Variants in GNRHR observed in about 807,000 individuals in gnomAD.
GNRHR encodes the protein gonadotropin releasing hormone receptor, also known as gonadotropin-releasing hormone receptor.
GNRHR carries 14 observed loss-of-function variants against 28.1 expected under a neutral mutation model. The ratio of observed to expected loss-of-function variants is 0.50; its 90% CI spans 0.33 to 0.78. The LOEUF (loss-of-function observed/expected upper bound fraction) is 0.78, where lower values mean the gene tolerates loss of function less well. Among genes scored for constraint, GNRHR ranks in the 30% least tolerant of loss-of-function variants. The pLI is 0.02. For synonymous variants in GNRHR, 141 were observed against 140.5 expected (o/e 1.00, Z -0.02); for missense variants, 366 against 382.1 (o/e 0.96, Z 0.35).
chr4:67,740,320 T>C lies in GNRHR; in HGVS notation c.*160A>G. ...TTTCCTGAAGACTTTTCCTTAATAATTGAGGCTCTGAAGACTGAGTTTCTA... is the reference window on the plus strand; with the variant it reads ...TTTCCTGAAGACTTTTCCTTAATAACTGAGGCTCTGAAGACTGAGTTTCTA... On this transcript the variant is annotated 3_prime_UTR_variant, in exon 3 of 3. Transcript: ENST00000226413. The C allele has an allele frequency of 4.8e-6, 3 of 627,466 alleles. No individual in the cohort carries two copies. In the South Asian group the frequency reaches 5.8e-5, roughly 12 times the overall value. The allele number at this position is 627,466 out of a possible 1,614,324, so 38.9% of individuals were successfully genotyped here. A position where few individuals can be genotyped will look rare whatever the true frequency, so the allele number is the denominator to read the frequency against.
In GNRHR at chr4:67,740,613, A is replaced by G; in HGVS notation, c.854T>C (p.Val285Ala). 1 of 1,613,044 alleles carries G rather than the reference A, an allele frequency of 6.2e-7. No homozygotes were observed. Among genetic ancestry groups the G allele is most frequent in the Non-Finnish European group, 8.5e-7 (1 of 1,179,036 alleles). ...ATCAAACCAATACCAAATTCCTAGGACATAGTAGGGAGTCCAGCAGACAGT... is the reference window on the plus strand; with the variant it reads ...ATCAAACCAATACCAAATTCCTAGGGCATAGTAGGGAGTCCAGCAGACAGT... ...SFTVCWTPYY[V>A]LGIWYWFDPE... The change falls in exon 3 of 3, where the codon GTC becomes GCC. Residue 285 changes from valine to alanine, a missense_variant. Coordinates refer to ENST00000226413, the MANE Select transcript of GNRHR (RefSeq NM_000406.3).
Position 67,737,338 on chromosome 4 carries a change from A to G in GNRHR, c.*3142T>C, listed in dbSNP as rs138337955. ...ATTGTTTTAAACTTGATTCCTAATA[A>G]TCATAAAAATGATAAGCAAGATTAT... On this transcript the variant is annotated 3_prime_UTR_variant, in exon 3 of 3. Coordinates refer to ENST00000226413, the MANE Select transcript of GNRHR (RefSeq NM_000406.3). 9.1e-4 allele frequency among the ~76,000 whole-genome samples: 138 copies of G among 152,158 alleles called. No homozygotes were observed. Among genetic ancestry groups the G allele is most frequent in the African/African-American group, 3.2e-3 (133 of 41,560 alleles).
rs1391595105 is a variant in GNRHR at position 67,737,891 on chromosome 4, A to G, written c.*2589T>C. ...AGGAGTCCTCACCTTTTATTATAAT[A>G]GGACATAAAATAAATGATTGTAATA... On this transcript the variant is annotated 3_prime_UTR_variant, in exon 3 of 3. Transcript: ENST00000226413. 2.0e-5 allele frequency among the ~76,000 whole-genome samples: 3 copies of G among 152,058 alleles called. No individual in the cohort carries two copies. The South Asian group carries it at 6.2e-4, about 31-fold the overall frequency.
Position 67,738,532 on chromosome 4 carries a change from G to A in GNRHR, c.*1948C>T, listed in dbSNP as rs886059558. 5.3e-5 allele frequency among the ~76,000 whole-genome samples: 8 copies of A among 151,596 alleles called. No homozygotes were observed. The highest frequency in any genetic ancestry group is 8.8e-5 in the Non-Finnish European group (6 of 67,800). On this transcript the variant is annotated 3_prime_UTR_variant, in exon 3 of 3. Coordinates refer to ENST00000226413, the MANE Select transcript of GNRHR (RefSeq NM_000406.3). Reference sequence around the variant, plus strand: ...AGAAGAACCAAGCTGAGATACATTCGTTAACACGTGTGTGATAAAGCCCTT... The same window carrying A: ...AGAAGAACCAAGCTGAGATACATTCATTAACACGTGTGTGATAAAGCCCTT...
At position 67,754,171 on chromosome 4, in the gene GNRHR, A is replaced by G; in HGVS notation, c.165T>C (p.Ser55=). ...LFLLSATFNA[S]FLLKLQKWTQ... ...TCCACTTCTGAAGTTTCAACAAGAAAGAAGCATTAAAGGTCGCAGAGAGCA... is the reference window on the plus strand; with the variant it reads ...TCCACTTCTGAAGTTTCAACAAGAAGGAAGCATTAAAGGTCGCAGAGAGCA... Residue 55 remains serine (S), a synonymous_variant, in exon 1 of 3, where the codon TCT becomes TCC. Transcript: ENST00000226413. 2 of 1,614,130 alleles carry G rather than the reference A, an allele frequency of 1.2e-6. No homozygotes were observed. The highest frequency in any genetic ancestry group is 1.7e-6 in the Non-Finnish European group (2 of 1,179,942).
rs992238642 is a variant in GNRHR at position 67,752,839 on chromosome 4, T to TA, written c.522+974dup. On this transcript the variant is annotated intron_variant, in intron 1 of 2. Transcript: ENST00000226413. ...TGTTGTTTTTTAACCATCTGGTCAG[T>TA]AAAAAAAAGTCTAGATAAATTTCCA... Among the ~76,000 whole-genome samples the TA allele has an allele frequency of 6.9e-4, 104 of 151,666 alleles. 1 individual carries two copies. Among genetic ancestry groups the TA allele is most frequent in the African/African-American group, 2.4e-3 (99 of 41,414 alleles).
chr4:67,751,212 A>G (rs777708483), intron 1 of GNRHR, among the ~76,000 whole-genome samples: 6 of 152,240 alleles, frequency 3.9e-5, no homozygotes, highest in Non-Finnish European at 5.9e-5. Flanking sequence ...AGACAGAGAC[A>G]CAAACAAGGT....
Position 67,738,300 on chromosome 4 carries a change from C to T in GNRHR, c.*2180G>A, listed in dbSNP as rs1169347022. Among the ~76,000 whole-genome samples the T allele has an allele frequency of 3.3e-5, 5 of 151,334 alleles. No homozygotes were observed. The highest frequency in any genetic ancestry group is 5.9e-5 in the Non-Finnish European group (4 of 67,678). On this transcript the variant is annotated 3_prime_UTR_variant, in exon 3 of 3. Coordinates refer to ENST00000226413, the MANE Select transcript of GNRHR (RefSeq NM_000406.3). ...TATGAGCTGCTGTGGCAGTCTGGTCCATCCCTCTCAGGACTGTGTTTTTAA... is the reference window on the plus strand; with the variant it reads ...TATGAGCTGCTGTGGCAGTCTGGTCTATCCCTCTCAGGACTGTGTTTTTAA...
In GNRHR at chr4:67,739,031, A is replaced by G. The variant is rs1731605270; in HGVS notation, c.*1449T>C. On this transcript the variant is annotated 3_prime_UTR_variant, in exon 3 of 3. Coordinates refer to ENST00000226413, the MANE Select transcript of GNRHR (RefSeq NM_000406.3). ...CACACACCTGGAGTATTTAGAAATT[A>G]CATTTCATCTTTTTTTGTGGCAGTA... is the stretch of plus-strand genomic sequence containing the variant. Among the ~76,000 whole-genome samples, 1 of 152,066 alleles carries G rather than the reference A, an allele frequency of 6.6e-6. No individual in the cohort carries two copies. Among genetic ancestry groups the G allele is most frequent in the African/African-American group, 2.4e-5 (1 of 41,446 alleles).
At chr4:67,752,056 G>C (rs1414703077) in intron 1 of GNRHR, among the ~76,000 whole-genome samples, 1 of 152,054 alleles carries the variant, frequency 6.6e-6, no homozygotes, top group Non-Finnish European at 1.5e-5. Flanking sequence ...GTCAGGTTTT[G>C]TATTTTATTT....
chr4:67,745,445 CA>C (rs1389755511), intron 1 of GNRHR, among the ~76,000 whole-genome samples: 1 of 151,864 alleles, frequency 6.6e-6, no homozygotes, highest in Non-Finnish European at 1.5e-5. Flanking sequence ...ATAAAAATTA[CA>C]AGATAACAAA....
chr4:67,738,623 G>C lies in GNRHR; in HGVS notation c.*1857C>G, dbSNP rs978340988. ...CCAGAAGTAAGAATTATCAGTTTAG[G>C]AATAAGTATATGATAGAGACTTAGA... On this transcript the variant is annotated 3_prime_UTR_variant, in exon 3 of 3. Transcript: ENST00000226413. 6.6e-6 allele frequency among the ~76,000 whole-genome samples: 1 copy of C among 151,954 alleles called. No individual in the cohort carries two copies. The highest frequency in any genetic ancestry group is 1.5e-5 in the Non-Finnish European group (1 of 67,888).
rs917399053 is a variant in GNRHR at position 67,752,355 on chromosome 4, G to A, written c.522+1459C>T. On this transcript the variant is annotated intron_variant, in intron 1 of 2. Transcript: ENST00000226413. ...GCCTCCCAAGTAGCTGGGACCACAG[G>A]TGCGGGTCATCATGACCAGCATTTA... 2.0e-5 allele frequency among the ~76,000 whole-genome samples: 3 copies of A among 151,426 alleles called. No homozygotes were observed. In the Admixed American group the frequency reaches 2.0e-4, roughly 10 times the overall value.
At position 67,738,381 on chromosome 4, in the gene GNRHR, T is replaced by TA. The variant is rs994652941; in HGVS notation, c.*2098_*2099insT. 4.0e-5 allele frequency among the ~76,000 whole-genome samples: 6 copies of TA among 151,738 alleles called. No homozygotes were observed. Among genetic ancestry groups the TA allele is most frequent in the Admixed American group, 3.9e-4 (6 of 15,200 alleles). On this transcript the variant is annotated 3_prime_UTR_variant, in exon 3 of 3. Coordinates refer to ENST00000226413, the MANE Select transcript of GNRHR (RefSeq NM_000406.3). ...TAAAAAATACATTGAAATATATATATTTTTTGCATGAAATGTAGGTTAAGA... is the reference window on the plus strand; with the variant it reads ...TAAAAAATACATTGAAATATATATATATTTTTGCATGAAATGTAGGTTAAGA...
At chr4:67,745,507 A>G (rs968946877) in intron 1 of GNRHR, among the ~76,000 whole-genome samples, 3 of 152,160 alleles carry the variant, frequency 2.0e-5, no homozygotes, top group African/African-American at 7.2e-5. Context: ...GTAGAATGCC[A>G]ACTAATAAAT....
chr4:67,749,563 C>T (rs1731829226), intron 1 of GNRHR, among the ~76,000 whole-genome samples: 1 of 152,058 alleles, frequency 6.6e-6, no homozygotes, highest in Admixed American at 6.6e-5. Flanking sequence ...CACAGATGGT[C>T]TTAAACCAAA....
At chr4:67,753,631 C>T in intron 1 of GNRHR, 183 bp downstream of exon 1, 1 of 609,796 alleles carries the variant, frequency 1.6e-6, no homozygotes, top group Non-Finnish European at 2.9e-6. Context: ...GAACTGAAAC[C>T]AGAGAGGTTA....
rs1731616480 is a variant in GNRHR at position 67,739,541 on chromosome 4, T to G, written c.*939A>C. The G allele has an allele frequency of 6.6e-6, 1 of 152,106 alleles. No individual in the cohort carries two copies. Among genetic ancestry groups the G allele is most frequent in the Non-Finnish European group, 1.5e-5 (1 of 67,960 alleles). The allele number at this position is 152,106 out of a possible 1,614,324, so 9.4% of individuals were successfully genotyped here. ...GAGTTCCTTTTGTGTATCAAGCATCTTTTTGCTTGTGCATTTGCTTAATTT... is the reference window on the plus strand; with the variant it reads ...GAGTTCCTTTTGTGTATCAAGCATCGTTTTGCTTGTGCATTTGCTTAATTT... On this transcript the variant is annotated 3_prime_UTR_variant, in exon 3 of 3. Coordinates refer to ENST00000226413, the MANE Select transcript of GNRHR (RefSeq NM_000406.3).
intron 2 of GNRHR, among the ~76,000 whole-genome samples, chr4:67,743,782 G>T (rs1253128663): frequency 1.3e-5 from 2 of 151,952 alleles, no homozygotes; most frequent in Admixed American, 6.6e-5. Flanking sequence ...TACTTTTTTG[G>T]AAATATTAAA....
Sources: allele counts gnomAD v4.1 joint callset (sites outside exome capture counted in the v4.1 genomes callset), GRCh38; gene constraint gnomAD v4.1.1; transcripts MANE v1.5; gene names NCBI Gene and HGNC (gene_info 2026-07-23, HGNC 2026-07-21).